The following PTPRO variants were observed in gnomAD, a reference collection of about 807,000 sequenced individuals.
PTPRO encodes receptor-type tyrosine-protein phosphatase O.
In PTPRO, 62 loss-of-function variants were observed where a neutral mutation model predicts 145.2. The ratio of observed to expected loss-of-function variants is 0.43; its 90% CI spans 0.35 to 0.53. The LOEUF is 0.53. Ranked by LOEUF, PTPRO falls within the 20% of genes least tolerant of loss-of-function variation. The pLI, the probability that PTPRO is intolerant of heterozygous loss-of-function variation, is 0.01. For missense variants in PTPRO, 1,345 were observed against 1,482.7 expected (o/e 0.91, Z 1.53); for synonymous variants, 565 against 514.7 (o/e 1.10, Z -1.32).
intron 1 of PTPRO, among the ~76,000 whole-genome samples, chr12:15,335,523 A>G (rs566959736): frequency 2.6e-5 from 4 of 152,106 alleles, no homozygotes; most frequent in Non-Finnish European, 5.9e-5. Flanking sequence ...TATACTTTTT[A>G]ATTAGTCTTT....
chr12:15,370,901 C>T (rs1402550702), intron 1 of PTPRO, among the ~76,000 whole-genome samples: 1 of 152,130 alleles, frequency 6.6e-6, no homozygotes, highest in Non-Finnish European at 1.5e-5. Context: ...AAATTTCCAA[C>T]AATCAGAGAT....
chr12:15,407,226 C>T (rs1223253583), intron 1 of PTPRO, among the ~76,000 whole-genome samples: 1 of 152,140 alleles, frequency 6.6e-6, no homozygotes, highest in Non-Finnish European at 1.5e-5. Flanking sequence ...CTTTTGTTAA[C>T]TCAGCATTAT....
At position 15,508,312 on chromosome 12, in the gene PTPRO, C is replaced by T. The variant is rs568689936; in HGVS notation, c.1268-259C>T. Among the ~76,000 whole-genome samples the T allele has an allele frequency of 2.8e-4, 43 of 152,254 alleles. No individual in the cohort carries two copies. In the South Asian group the frequency reaches 8.1e-3, roughly 29 times the overall value. On this transcript the variant is annotated intron_variant, in intron 6 of 26. Coordinates refer to ENST00000281171, the MANE Select transcript of PTPRO (RefSeq NM_030667.3). ...CTCAGGTGAAGAATTTACCAGAATA[C>T]TCTCACATGCACACGATGATTGAAG... is the stretch of plus-strand genomic sequence containing the variant.
chr12:15,424,617 A>G lies in PTPRO; in HGVS notation c.76-59357A>G, dbSNP rs549904745. On this transcript the variant is annotated intron_variant, in intron 1 of 26. Transcript: ENST00000281171. Reference sequence around the variant, plus strand: ...AGTTCCACAGCTGATGTATACACAAACAAATAATGGGTGCATGAAAGAGGG... The same window carrying G: ...AGTTCCACAGCTGATGTATACACAAGCAAATAATGGGTGCATGAAAGAGGG... Among the ~76,000 whole-genome samples the G allele has an allele frequency of 4.6e-5, 7 of 152,128 alleles. No homozygotes were observed. In the South Asian group the frequency reaches 1.5e-3, roughly 32 times the overall value.
At chr12:15,327,024 A>G (rs965745001) in intron 1 of PTPRO, among the ~76,000 whole-genome samples, 3 of 152,152 alleles carry the variant, frequency 2.0e-5, no homozygotes, top group Non-Finnish European at 4.4e-5. Flanking sequence ...ACAGATTTAA[A>G]TTTTCTGCAT....
chr12:15,461,716 C>T (rs919294701), intron 1 of PTPRO, among the ~76,000 whole-genome samples: 12 of 151,730 alleles, frequency 7.9e-5, no homozygotes, highest in Admixed American at 5.2e-4. Context: ...TACAGGTGTG[C>T]GCCACCACAT....
At chr12:15,499,883 A>C (rs751015788) in intron 4 of PTPRO, among the ~76,000 whole-genome samples, 17 of 152,204 alleles carry the variant, frequency 1.1e-4, no homozygotes, top group African/African-American at 1.4e-4. Flanking sequence ...TCTAGTAGAC[A>C]TCAGTTATTG....
intron 12 of PTPRO, among the ~76,000 whole-genome samples, chr12:15,538,810 T>C (rs1001599208): frequency 6.6e-6 from 1 of 152,316 alleles, no homozygotes; most frequent in African/African-American, 2.4e-5. Context: ...GGACCCTTGA[T>C]TAGGAGTCCA....
chr12:15,358,274 C>T (rs543625226), intron 1 of PTPRO, among the ~76,000 whole-genome samples: 2 of 148,458 alleles, frequency 1.3e-5, no homozygotes, highest in Non-Finnish European at 3.0e-5. Context: ...AGGAGATATA[C>T]CTAATGCTAA....
At chr12:15,557,398 C>T in intron 15 of PTPRO, 57 bp from the exon 16 acceptor site, 1 of 1,430,754 alleles carries the variant, frequency 7.0e-7, no homozygotes, top group East Asian at 2.3e-5. Flanking sequence ...ACTTTTAGGT[C>T]AACGTAAGAA....
intron 17 of PTPRO, among the ~76,000 whole-genome samples, chr12:15,561,179 C>A (rs923207492): frequency 6.6e-6 from 1 of 151,884 alleles, no homozygotes; most frequent in Non-Finnish European, 1.5e-5. Context: ...ACAGACAGAT[C>A]CATAAATGTG....
intron 1 of PTPRO, among the ~76,000 whole-genome samples, chr12:15,448,359 A>AAAAAAAAAAAAAAC (rs1565635339): frequency 6.7e-6 from 1 of 149,910 alleles, no homozygotes; most frequent in African/African-American, 2.4e-5. Flanking sequence ...AAAAAAAAAA[A>AAAAAAAAAAAAAAC]AGCACCGATT....
At chr12:15,445,264 T>C (rs770319203) in intron 1 of PTPRO, among the ~76,000 whole-genome samples, 4 of 152,168 alleles carry the variant, frequency 2.6e-5, no homozygotes, top group Non-Finnish European at 1.5e-5. Context: ...TTTTGTACAG[T>C]GGTCATATAT....
At chr12:15,415,600 T>C (rs992964554) in intron 1 of PTPRO, among the ~76,000 whole-genome samples, 6 of 151,616 alleles carry the variant, frequency 4.0e-5, no homozygotes, top group African/African-American at 7.3e-5. Flanking sequence ...TTAGCCAGGA[T>C]GGTCTCGATC....
chr12:15,332,523 A>C (rs988278332), intron 1 of PTPRO, among the ~76,000 whole-genome samples: 2 of 152,228 alleles, frequency 1.3e-5, no homozygotes, highest in Non-Finnish European at 2.9e-5. Context: ...TGAATCAAAA[A>C]ATGAACCATA....
intron 12 of PTPRO, chr12:15,546,367 AG>A: frequency 7.1e-7 from 1 of 1,410,764 alleles, no homozygotes; most frequent in African/African-American, 1.4e-5. Context: ...AAAAAATGGA[AG>A]GGGGAAAAGG....
chr12:15,333,093 G>A (rs762799493), intron 1 of PTPRO, among the ~76,000 whole-genome samples: 6 of 151,952 alleles, frequency 3.9e-5, no homozygotes, highest in African/African-American at 7.3e-5. Flanking sequence ...TATTCTTCCC[G>A]AGGGTGTTCC....
chr12:15,508,816 A>T, intron 7 of PTPRO, 49 bp downstream of exon 7: 1 of 1,577,632 alleles, frequency 6.3e-7, no homozygotes, highest in African/African-American at 1.3e-5. Flanking sequence ...CCTAAGCACA[A>T]CCTTACAGGG....
intron 1 of PTPRO, among the ~76,000 whole-genome samples, chr12:15,457,543 T>C (rs1941207602): frequency 6.6e-6 from 1 of 152,206 alleles, no homozygotes. Context: ...GTTTTCTGTC[T>C]GACCTGCAAT....
Sources: allele counts gnomAD v4.1 joint callset (sites outside exome capture counted in the v4.1 genomes callset), GRCh38; gene constraint gnomAD v4.1.1; transcripts MANE v1.5; gene names NCBI Gene and HGNC (gene_info 2026-07-23, HGNC 2026-07-21).